Variants in TMEM117 observed in about 807,000 individuals in gnomAD.
The protein encoded by TMEM117 is transmembrane protein 117.
Under a neutral mutation model 52.4 loss-of-function variants are expected in TMEM117, and 27 were observed. The observed-to-expected ratio is 0.51, with a 90% confidence interval of 0.38 to 0.71. The LOEUF (loss-of-function observed/expected upper bound fraction) is 0.71. TMEM117 is among the 30% of genes least tolerant of loss of function. The pLI is 0.00. For missense variants in TMEM117, 556 were observed against 630.5 expected (o/e 0.88, Z 1.26); for synonymous variants, 215 against 206.3 (o/e 1.04, Z -0.36).
intron 3 of TMEM117, among the ~76,000 whole-genome samples, chr12:44,036,696 C>T (rs952063329): frequency 1.3e-5 from 2 of 152,114 alleles, no homozygotes; most frequent in African/African-American, 4.8e-5. Context: ...TAAGAACATT[C>T]TTGTAACATG....
At chr12:44,012,076 G>A (rs1447356211) in intron 3 of TMEM117, among the ~76,000 whole-genome samples, 3 of 152,192 alleles carry the variant, frequency 2.0e-5, no homozygotes, top group African/African-American at 7.2e-5. Context: ...ATCGTGGAAA[G>A]CAAAACCATG....
chr12:44,325,951 C>G (rs1414148347), intron 6 of TMEM117, among the ~76,000 whole-genome samples: 1 of 152,150 alleles, frequency 6.6e-6, no homozygotes, highest in East Asian at 1.9e-4. Context: ...TACTTGAGGT[C>G]AGGGATTCAA....
chr12:44,202,286 G>T (rs1949505986), intron 4 of TMEM117, among the ~76,000 whole-genome samples: 1 of 151,994 alleles, frequency 6.6e-6, no homozygotes, highest in Non-Finnish European at 1.5e-5. Context: ...TATTTTAGAA[G>T]AATGCACATA....
chr12:43,796,911 T>G, the TMEM117 span: 2 of 1,490,314 alleles, frequency 1.3e-6, no homozygotes, highest in Non-Finnish European at 1.9e-6. Context: ...CAGTACATCA[T>G]AAACTACATA....
At chr12:43,967,846 A>G (rs902407064) in intron 3 of TMEM117, among the ~76,000 whole-genome samples, 4 of 152,242 alleles carry the variant, frequency 2.6e-5, no homozygotes, top group African/African-American at 7.2e-5. Flanking sequence ...ATAAAATAAA[A>G]TAGTGTGTTC....
chr12:43,946,462 C>T (rs796253147), intron 3 of TMEM117, among the ~76,000 whole-genome samples: 7 of 144,760 alleles, frequency 4.8e-5, no homozygotes, highest in African/African-American at 1.6e-4. Flanking sequence ...AGGAAGGGAG[C>T]AGATTTGAAA....
At chr12:44,285,549 C>T (rs750064353) in intron 5 of TMEM117, among the ~76,000 whole-genome samples, 10 of 152,152 alleles carry the variant, frequency 6.6e-5, no homozygotes, top group Non-Finnish European at 1.0e-4. Context: ...TGTGCTCCCT[C>T]GACATTTCCT....
At chr12:43,829,225 A>G in the TMEM117 span, among the ~76,000 whole-genome samples, 6 of 152,302 alleles carry the variant, frequency 3.9e-5, no homozygotes, top group East Asian at 1.9e-4. Flanking sequence ...TCTTAGGGAT[A>G]GTTTTATTTT....
At chr12:44,107,319 G>T (rs1224971708) in intron 3 of TMEM117, among the ~76,000 whole-genome samples, 1 of 152,064 alleles carries the variant, frequency 6.6e-6, no homozygotes, top group Non-Finnish European at 1.5e-5. Flanking sequence ...ATGTATATTT[G>T]TCCAATTAAC....
At chr12:43,847,507 A>G (rs1943230129) in intron 2 of TMEM117, among the ~76,000 whole-genome samples, 2 of 152,206 alleles carry the variant, frequency 1.3e-5, no homozygotes, top group South Asian at 4.1e-4. Flanking sequence ...GGTTTGGAAC[A>G]GTGGCCCTAG....
chr12:43,961,889 C>T lies in TMEM117; in HGVS notation c.410+17547C>T, dbSNP rs544770730. Among the ~76,000 whole-genome samples, 16 of 152,044 alleles carry T rather than the reference C, an allele frequency of 1.1e-4. No homozygotes were observed. The East Asian group carries it at 2.9e-3, about 28-fold the overall frequency. On this transcript the variant is annotated intron_variant, in intron 3 of 7. Transcript: ENST00000266534. ...GATAGCCTGAGGTTTCAAGGCTTAC[C>T]AAAAGTTATATAGTCTGATTTAATA...
intron 5 of TMEM117, among the ~76,000 whole-genome samples, chr12:44,228,207 A>T (rs1949887781): frequency 6.6e-6 from 1 of 152,128 alleles, no homozygotes; most frequent in Non-Finnish European, 1.5e-5. Context: ...TGAGGGAAGC[A>T]AGAAGACCAA....
rs1952117899 is a variant in TMEM117, at chr12:44,388,207, A to C, written c.1080A>C (p.Glu360Asp). ...KDLNRTKLSW[E>D]WRSNHTNPRT... ...TGAACAGAACCAAGCTATCCTGGGAATGGAGGTCCAATCACACTAACCCTC... is the reference window on the plus strand; with the variant it reads ...TGAACAGAACCAAGCTATCCTGGGACTGGAGGTCCAATCACACTAACCCTC... The change falls in exon 8 of 8, where the codon GAA becomes GAC. Residue 360 changes from glutamate (E) to aspartate (D), a missense_variant. Glu to Asp is a conservative substitution (Grantham distance 45, BLOSUM62 2). This residue lies in a region of TMEM117 where 206 missense variants were observed against 211.1 expected (regional missense o/e 0.98). Coordinates refer to ENST00000266534, the MANE Select transcript of TMEM117 (RefSeq NM_032256.3). 6.2e-7 allele frequency: 1 copy of C among 1,613,506 alleles called. No individual in the cohort carries two copies. Among genetic ancestry groups the C allele is most frequent in the Non-Finnish European group, 8.5e-7 (1 of 1,179,614 alleles).
intron 6 of TMEM117, among the ~76,000 whole-genome samples, chr12:44,345,900 C>T (rs1295907583): frequency 1.3e-5 from 2 of 152,022 alleles, no homozygotes; most frequent in African/African-American, 2.4e-5. Context: ...ATCTCTTATC[C>T]TCCACAAAGG....
intron 6 of TMEM117, among the ~76,000 whole-genome samples, chr12:44,306,549 C>T (rs1950905870): frequency 1.3e-5 from 2 of 152,104 alleles, no homozygotes; most frequent in African/African-American, 4.8e-5. Flanking sequence ...ATACTTCTGT[C>T]TCCTGTAATT....
At chr12:44,283,797 G>C (rs543041878) in intron 5 of TMEM117, among the ~76,000 whole-genome samples, 4 of 152,142 alleles carry the variant, frequency 2.6e-5, no homozygotes, top group African/African-American at 9.7e-5. Flanking sequence ...CGGGCGGAAT[G>C]ATATGGTTTG....
chr12:43,927,289 A>G (rs566148203), intron 2 of TMEM117, among the ~76,000 whole-genome samples: 8 of 151,984 alleles, frequency 5.3e-5, no homozygotes, highest in Non-Finnish European at 7.4e-5. Context: ...TTTGAGCTTC[A>G]CTGAGGTTTG....
intron 2 of TMEM117, among the ~76,000 whole-genome samples, chr12:43,905,545 A>G (rs1944372458): frequency 2.6e-5 from 4 of 152,132 alleles, no homozygotes; most frequent in Non-Finnish European, 1.5e-5. Flanking sequence ...GCATTTTCAC[A>G]TAGACTCTTA....
intron 4 of TMEM117, among the ~76,000 whole-genome samples, chr12:44,188,704 C>T (rs1949311387): frequency 6.6e-6 from 1 of 152,118 alleles, no homozygotes; most frequent in Non-Finnish European, 1.5e-5. Flanking sequence ...CCATCCCCCT[C>T]CTCTGCTCCC....
Sources: allele counts gnomAD v4.1 joint callset (sites outside exome capture counted in the v4.1 genomes callset), GRCh38; gene constraint gnomAD v4.1.1; regional missense constraint gnomAD v4.1.1; transcripts MANE v1.5; gene names NCBI Gene and HGNC (gene_info 2026-07-23, HGNC 2026-07-21).